The following TRAK1 variants were observed in gnomAD, a reference collection of about 807,000 sequenced individuals.
The protein encoded by TRAK1 is trafficking kinesin-binding protein 1.
Under a neutral mutation model 92.1 loss-of-function variants are expected in TRAK1, and 33 were observed. The observed-to-expected ratio is 0.36, with a 90% confidence interval of 0.27 to 0.48. The LOEUF is 0.48. TRAK1 is among the 20% of genes least tolerant of loss of function. TRAK1 has a pLI of 0.99. For synonymous variants in TRAK1, 521 were observed against 517.3 expected (o/e 1.01, Z -0.10); for missense variants, 1,123 against 1,257.9 (o/e 0.89, Z 1.62).
upstream of TRAK1, among the ~76,000 whole-genome samples, chr3:42,082,975 T>A (rs1393958736): frequency 6.6e-6 from 1 of 152,246 alleles, no homozygotes; most frequent in Non-Finnish European, 1.5e-5. Flanking sequence ...GCATAATTAA[T>A]GACTCGATCC....
chr3:42,192,213 A>AT (rs375459617), intron 7 of TRAK1, among the ~76,000 whole-genome samples: 1 of 152,068 alleles, frequency 6.6e-6, no homozygotes, highest in African/African-American at 2.4e-5. Context: ...GAATATTGGA[A>AT]TTTTTTAATG....
At chr3:42,195,910 G>T (rs1021767465) in intron 10 of TRAK1, among the ~76,000 whole-genome samples, 1 of 152,132 alleles carries the variant, frequency 6.6e-6, no homozygotes, top group Non-Finnish European at 1.5e-5. Flanking sequence ...AGCTTTGCAG[G>T]CTCCTTACCT....
chr3:42,143,121 G>A (rs1279138862), intron 2 of TRAK1, among the ~76,000 whole-genome samples: 1 of 152,100 alleles, frequency 6.6e-6, no homozygotes, highest in East Asian at 1.9e-4. Flanking sequence ...TGAGCCACTT[G>A]TGTGACAGAG....
chr3:42,091,654 C>G, intron 1 of TRAK1, 94 bp downstream of exon 1: 3 of 1,266,408 alleles, frequency 2.4e-6, no homozygotes, highest in Non-Finnish European at 3.3e-6. Context: ...CTCTCTCTTG[C>G]TCCGTGCTGC....
chr3:42,087,881 A>G (rs1382931893), upstream of TRAK1, among the ~76,000 whole-genome samples: 1 of 152,252 alleles, frequency 6.6e-6, no homozygotes, highest in Admixed American at 6.5e-5. Flanking sequence ...GGATTTTTAC[A>G]GATACCTGTG....
rs1710648365 is a variant in TRAK1 at position 42,224,731 on chromosome 3, G to A, written c.*994G>A. ...TTAAAGAAATGTGTCAACACCAAAT[G>A]TAGAGGGGAAGAACCACAACCAGGC... is the stretch of plus-strand genomic sequence containing the variant. On this transcript the variant is annotated 3_prime_UTR_variant, in exon 16 of 16. Coordinates refer to ENST00000327628, the MANE Select transcript of TRAK1 (RefSeq NM_001042646.3). 1.3e-5 allele frequency: 2 copies of A among 152,276 alleles called. No homozygotes were observed. Among genetic ancestry groups the A allele is most frequent in the African/African-American group, 4.8e-5 (2 of 41,472 alleles). 9.4% of individuals were successfully genotyped at this position (152,276 alleles called of 1,614,324 possible).
intron 2 of TRAK1, among the ~76,000 whole-genome samples, chr3:42,167,152 C>A (rs1003682942): frequency 6.6e-6 from 1 of 152,196 alleles, no homozygotes; most frequent in Non-Finnish European, 1.5e-5. Context: ...TGACTTGTGG[C>A]CGGGATAGAC....
intron 2 of TRAK1, among the ~76,000 whole-genome samples, chr3:42,126,237 A>T (rs1710543730): frequency 6.6e-6 from 1 of 152,160 alleles, no homozygotes; most frequent in South Asian, 2.1e-4. Flanking sequence ...CTCACTGGGA[A>T]GGTGTTTGTC....
chr3:42,121,309 G>C (rs1709825516), intron 1 of TRAK1, among the ~76,000 whole-genome samples: 1 of 150,550 alleles, frequency 6.6e-6, no homozygotes, highest in Non-Finnish European at 1.5e-5. Flanking sequence ...CCCCAGGCTG[G>C]AGTGCAGTGG....
intron 2 of TRAK1, among the ~76,000 whole-genome samples, chr3:42,150,586 A>G (rs139275525): frequency 6.6e-6 from 1 of 152,298 alleles, no homozygotes; most frequent in East Asian, 1.9e-4. Context: ...CGGGAGTTTC[A>G]GAATGCTCTA....
chr3:42,162,323 A>C (rs1233223763), intron 2 of TRAK1, among the ~76,000 whole-genome samples: 1 of 151,700 alleles, frequency 6.6e-6, no homozygotes, highest in African/African-American at 2.4e-5. Context: ...ATATATGACG[A>C]GAGAGAGACC....
chr3:42,089,065 C>G (rs1438405667), upstream of TRAK1, among the ~76,000 whole-genome samples: 1 of 152,194 alleles, frequency 6.6e-6, no homozygotes, highest in African/African-American at 2.4e-5. Flanking sequence ...ATGTCAAACT[C>G]AAATGACCAA....
At chr3:42,124,791 C>T (rs921385392) in intron 1 of TRAK1, among the ~76,000 whole-genome samples, 1 of 152,134 alleles carries the variant, frequency 6.6e-6, no homozygotes, top group Non-Finnish European at 1.5e-5. Context: ...CTCAAAACAC[C>T]AAGCTATTCC....
At chr3:42,133,063 C>G (rs1217706385) in intron 2 of TRAK1, among the ~76,000 whole-genome samples, 1 of 152,242 alleles carries the variant, frequency 6.6e-6, no homozygotes, top group East Asian at 1.9e-4. Flanking sequence ...CATCCCTGGA[C>G]AGCTGTAACT....
upstream of TRAK1, among the ~76,000 whole-genome samples, chr3:42,013,176 C>T (rs959203369): frequency 6.6e-6 from 1 of 152,194 alleles, no homozygotes; most frequent in Non-Finnish European, 1.5e-5. The surrounding 1 kb of genome is among the most constrained non-coding windows in gnomAD (Gnocchi z 5.1). Flanking sequence ...TCCATCCCCT[C>T]CAGCCTTCCC....
intron 13 of TRAK1, among the ~76,000 whole-genome samples, chr3:42,207,894 T>C (rs1708511844): frequency 6.6e-6 from 1 of 152,180 alleles, no homozygotes. Flanking sequence ...TGGGACCAGT[T>C]TGTTCTTTGT....
At chr3:42,213,408 A>C (rs1709312882) in intron 14 of TRAK1, among the ~76,000 whole-genome samples, 2 of 152,254 alleles carry the variant, frequency 1.3e-5, no homozygotes, top group African/African-American at 4.8e-5. Flanking sequence ...CACTTGGCTA[A>C]AATTGCCCTT....
intron 1 of TRAK1, among the ~76,000 whole-genome samples, chr3:42,118,057 A>G (rs941195920): frequency 4.6e-5 from 7 of 151,476 alleles, no homozygotes; most frequent in Non-Finnish European, 8.8e-5. Flanking sequence ...TGACCTTGTG[A>G]TCCGCCCACC....
At chr3:42,073,266 C>T (rs1264059012) in intron 1 of TRAK1, among the ~76,000 whole-genome samples, 1 of 152,156 alleles carries the variant, frequency 6.6e-6, no homozygotes. Flanking sequence ...CTTTGGTTAC[C>T]CTGACACTGC....
Sources: allele counts gnomAD v4.1 joint callset (sites outside exome capture counted in the v4.1 genomes callset), GRCh38; gene constraint gnomAD v4.1.1; non-coding constraint Gnocchi (gnomAD v3.1); transcripts MANE v1.5; gene names NCBI Gene and HGNC (gene_info 2026-07-23, HGNC 2026-07-21).